Variants in SLC2A2 observed in about 807,000 individuals in gnomAD.
SLC2A2 encodes solute carrier family 2, facilitated glucose transporter member 2.
SLC2A2 carries 36 observed loss-of-function variants against 54.5 expected under a neutral mutation model. That is an observed-to-expected ratio of 0.66 (90% CI 0.51 to 0.87). SLC2A2 has a LOEUF of 0.87. Among genes scored for constraint, SLC2A2 ranks in the 40% least tolerant of loss-of-function variants. The pLI is 0.00. For missense variants in SLC2A2, 543 were observed against 624.3 expected, an observed-to-expected ratio of 0.87 and a Z score of 1.39; for synonymous variants, 223 against 219.1, an observed-to-expected ratio of 1.02 and a Z score of -0.16.
chr3:171,014,170 C>T (rs375224326), intron 3 of SLC2A2, among the ~76,000 whole-genome samples: 6 of 152,170 alleles, frequency 3.9e-5, no homozygotes, highest in Admixed American at 1.3e-4. Context: ...CTGAGTTAAC[C>T]GTTTGTGTAG....
intron 8 of SLC2A2, among the ~76,000 whole-genome samples, chr3:171,002,278 A>T (rs560143554): frequency 3.3e-5 from 5 of 152,148 alleles, no homozygotes; most frequent in African/African-American, 1.2e-4. Flanking sequence ...GAAGGAACCT[A>T]GGAATCTGCA....
At chr3:171,005,867 A>G in intron 6 of SLC2A2, 76 bp downstream of exon 6, 2 of 1,399,068 alleles carry the variant, frequency 1.4e-6, no homozygotes, top group Non-Finnish European at 2.0e-6. Context: ...CACCAACTTC[A>G]TGTGGAAAGC....
intron 3 of SLC2A2, among the ~76,000 whole-genome samples, chr3:171,011,190 A>G (rs939242096): frequency 6.6e-5 from 10 of 152,148 alleles, no homozygotes; most frequent in African/African-American, 4.8e-5. Flanking sequence ...CTGGCAGCCT[A>G]CAGCATAATC....
intron 3 of SLC2A2, among the ~76,000 whole-genome samples, chr3:171,013,527 AAG>A (rs1220578531): frequency 6.6e-6 from 1 of 152,140 alleles, no homozygotes; most frequent in African/African-American, 2.4e-5. Flanking sequence ...GTATAAGAGG[AAG>A]AGTTATCAGA....
Position 170,997,647 on chromosome 3 carries a change from T to C in SLC2A2, c.*256A>G, listed in dbSNP as rs1332854442. 3.8e-5 allele frequency: 17 copies of C among 449,632 alleles called. No individual in the cohort carries two copies. The South Asian group carries it at 4.2e-4, about 11-fold the overall frequency. The allele number at this position is 449,632 out of a possible 1,614,324, so 27.9% of individuals were successfully genotyped here. ...GTTATAAAGAACAGAGCTAAAAATA[T>C]TAGAACCACCTGCCCTTTAGTGTAA... On this transcript the variant is annotated 3_prime_UTR_variant, in exon 11 of 11. Coordinates refer to ENST00000314251, the MANE Select transcript of SLC2A2 (RefSeq NM_000340.2).
intron 8 of SLC2A2, among the ~76,000 whole-genome samples, chr3:171,000,989 A>G (rs896024221): frequency 6.6e-6 from 1 of 152,016 alleles, no homozygotes; most frequent in Admixed American, 6.6e-5. Flanking sequence ...TTAATTAATG[A>G]TTTGGACTGG....
In SLC2A2 at chr3:171,018,595, A is replaced by T; in HGVS notation, c.44T>A (p.Ile15Asn). Residue 15 changes from isoleucine (I) to asparagine (N), a missense_variant, in exon 2 of 11, where the codon ATC becomes AAC. By Grantham distance (149) the Ile-to-Asn change is moderately radical. Transcript: ENST00000314251. ...CTGGAAGGAACCCAGCACAGCAGTG[A>T]TGACAGTGAAAACCAGGGTCCCAGT... ...KVTGTLVFTV[I>N]TAVLGSFQFG... 1 of 1,614,056 alleles carries T rather than the reference A, an allele frequency of 6.2e-7. No homozygotes were observed. The highest frequency in any genetic ancestry group is 1.1e-5 in the South Asian group (1 of 91,082).
intron 2 of SLC2A2, among the ~76,000 whole-genome samples, chr3:171,015,042 G>C (rs1716080033): frequency 6.6e-6 from 1 of 152,184 alleles, no homozygotes; most frequent in Non-Finnish European, 1.5e-5. Flanking sequence ...TGGAACTAGA[G>C]GAGCAAGAGG....
intron 1 of SLC2A2, among the ~76,000 whole-genome samples, chr3:171,019,545 C>T (rs974969580): frequency 2.8e-4 from 42 of 152,126 alleles, no homozygotes; most frequent in Non-Finnish European, 2.1e-4. Flanking sequence ...AGAGAAATCA[C>T]ATCATGCATA....
At chr3:171,013,018 T>C (rs180846053) in intron 3 of SLC2A2, among the ~76,000 whole-genome samples, 26 of 152,290 alleles carry the variant, frequency 1.7e-4, no homozygotes, top group Admixed American at 7.8e-4. Flanking sequence ...ATCAGAATCT[T>C]ACCTCTAAAT....
intron 1 of SLC2A2, among the ~76,000 whole-genome samples, chr3:171,023,937 C>A (rs1716575562): frequency 6.6e-6 from 1 of 152,094 alleles, no homozygotes; most frequent in Non-Finnish European, 1.5e-5. Context: ...TTAAAATATG[C>A]TGCTGGATAA....
intron 7 of SLC2A2, among the ~76,000 whole-genome samples, chr3:171,003,809 C>T (rs1377748690): frequency 6.6e-6 from 1 of 151,950 alleles, no homozygotes; most frequent in Admixed American, 6.6e-5. Context: ...ATGGTGTAGG[C>T]ATGTGCTCAA....
In SLC2A2 at chr3:170,997,427, A is replaced by G. The variant is rs75975646; in HGVS notation, c.*476T>C. 0.012 allele frequency: 1,929 copies of G among 159,486 alleles called. 46 individuals carry two copies. The highest frequency in any genetic ancestry group is 0.044 in the African/African-American group (1,826 of 41,608). 9.9% of individuals were successfully genotyped at this position (159,486 alleles called of 1,614,324 possible). On this transcript the variant is annotated 3_prime_UTR_variant, in exon 11 of 11. Coordinates refer to ENST00000314251, the MANE Select transcript of SLC2A2 (RefSeq NM_000340.2). ...AGTACTCAAGAAAAAAGCTGAGTGC[A>G]ATAAATGGAAGAGTTGTCTATTTTA...
chr3:171,016,379 TGA>T (rs1344089498), intron 2 of SLC2A2, among the ~76,000 whole-genome samples: 2 of 152,128 alleles, frequency 1.3e-5, no homozygotes, highest in Non-Finnish European at 2.9e-5. Context: ...GAGGTTGAAG[TGA>T]AAATCTCCAG....
intron 5 of SLC2A2, among the ~76,000 whole-genome samples, chr3:171,006,643 G>A (rs534301623): frequency 2.0e-5 from 3 of 152,102 alleles, no homozygotes; most frequent in Middle Eastern, 3.4e-3. Flanking sequence ...CTGGATTGTC[G>A]TAGGTGTGGG....
At chr3:171,019,417 G>C (rs1716350621) in intron 1 of SLC2A2, among the ~76,000 whole-genome samples, 1 of 151,824 alleles carries the variant, frequency 6.6e-6, no homozygotes. Context: ...AGAGTTGTAG[G>C]ATAAGGGCCA....
In SLC2A2 at chr3:170,998,037, A is replaced by T. The variant is rs1441249949; in HGVS notation, c.1441T>A (p.Phe481Ile). 6.2e-7 allele frequency: 1 copy of T among 1,613,704 alleles called. No homozygotes were observed. Among genetic ancestry groups the T allele is most frequent in the Non-Finnish European group, 8.5e-7 (1 of 1,179,826 alleles). ...CCTTTGGTTTCTGGAACTTTAAAAA[A>T]TGTGAACAGGGTAAAGGCCAGGAGC... The part of the protein sequence containing the change: ...GVLLAFTLFT[F>I]FKVPETKGKS... Residue 481 changes from phenylalanine to isoleucine, a missense_variant, in exon 11 of 11, where the codon TTT (phenylalanine) becomes ATT (isoleucine). Physicochemically the swap from Phe to Ile is conservative, Grantham distance 21. Coordinates refer to ENST00000314251, the MANE Select transcript of SLC2A2 (RefSeq NM_000340.2).
rs754529444 is a variant in SLC2A2, at chr3:170,998,176, A to G, written c.1374+17T>C. On this transcript the variant is annotated intron_variant, in intron 10 of 10. Coordinates refer to ENST00000314251, the MANE Select transcript of SLC2A2 (RefSeq NM_000340.2). Reference sequence around the variant, plus strand: ...TCTCTTCTGTTCAGTAAATCTGTGGAATATTAGGCTGCTTACCGCAATGTA... The same window carrying G: ...TCTCTTCTGTTCAGTAAATCTGTGGGATATTAGGCTGCTTACCGCAATGTA... The G allele has an allele frequency of 3.7e-6, 6 of 1,613,642 alleles. No homozygotes were observed. The highest frequency in any genetic ancestry group is 5.1e-6 in the Non-Finnish European group (6 of 1,179,684).
intron 2 of SLC2A2, among the ~76,000 whole-genome samples, chr3:171,016,376 AAG>A: frequency 2.0e-5 from 3 of 152,114 alleles, no homozygotes; most frequent in Non-Finnish European, 2.9e-5. Context: ...GCAGAGGTTG[AAG>A]TGAAAATCTC....
Sources: allele counts gnomAD v4.1 joint callset (sites outside exome capture counted in the v4.1 genomes callset), GRCh38; gene constraint gnomAD v4.1.1; transcripts MANE v1.5; gene names NCBI Gene and HGNC (gene_info 2026-07-23, HGNC 2026-07-21).